Variants in ZAP70 observed in about 807,000 individuals in gnomAD.
The protein encoded by ZAP70 is tyrosine-protein kinase ZAP-70.
A neutral mutation model predicts 65.8 loss-of-function variants in ZAP70; 27 were observed. The ratio of observed to expected loss-of-function variants is 0.41; its 90% CI spans 0.30 to 0.57. The LOEUF is 0.57. Ranked by LOEUF, ZAP70 falls within the 20% of genes least tolerant of loss-of-function variation. The probability of loss-of-function intolerance (pLI) is 0.28; values close to 1 mark genes in which losing one functional copy is unlikely to be tolerated. For missense variants in ZAP70, 696 were observed against 870.5 expected (o/e 0.80, Z 2.52); for synonymous variants, 363 against 360.8 (o/e 1.01, Z -0.07).
At chr2:97,726,329 C>T (rs538972358) in intron 4 of ZAP70, among the ~76,000 whole-genome samples, 1 of 152,332 alleles carries the variant, frequency 6.6e-6, no homozygotes, top group African/African-American at 2.4e-5. Flanking sequence ...TTTTCTGTAA[C>T]AGATGGTATC....
At chr2:97,748,883 G>A in the ZAP70 span, among the ~76,000 whole-genome samples, 8 of 152,136 alleles carry the variant, frequency 5.3e-5, no homozygotes, top group African/African-American at 1.9e-4. Flanking sequence ...TTTCCCTCCC[G>A]TGGGAGGCCA....
intron 2 of ZAP70, among the ~76,000 whole-genome samples, chr2:97,717,084 T>C (rs1676948705): frequency 6.6e-6 from 1 of 152,234 alleles, no homozygotes; most frequent in East Asian, 1.9e-4. Flanking sequence ...CAAGCTGGCG[T>C]GTGCTGACGA....
At chr2:97,720,534 T>C (rs1274053855) in intron 2 of ZAP70, among the ~76,000 whole-genome samples, 1 of 152,222 alleles carries the variant, frequency 6.6e-6, no homozygotes, top group African/African-American at 2.4e-5. Context: ...TGTATCTTAA[T>C]GGAGACGGGG....
At chr2:97,741,284 C>T (rs1314989609), downstream of ZAP70, among the ~76,000 whole-genome samples, 4 of 152,206 alleles carry the variant, frequency 2.6e-5, no homozygotes, top group African/African-American at 7.2e-5. Context: ...GATCTTTTCT[C>T]TTGGCGGCTC....
At chr2:97,733,094 A>G in intron 5 of ZAP70, 31 bp from the exon 6 acceptor site, 1 of 1,613,914 alleles carries the variant, frequency 6.2e-7, no homozygotes, top group Non-Finnish European at 8.5e-7. Context: ...GGAGGAGAGG[A>G]GCCTCTCTGC....
intron 3 of ZAP70, 122 bp downstream of exon 3, chr2:97,724,560 T>A (rs2104663075): frequency 6.5e-7 from 1 of 1,533,302 alleles, no homozygotes; most frequent in East Asian, 2.5e-5. Flanking sequence ...CTTTGGAAGC[T>A]GGAGAGGTGG....
chr2:97,749,001 TC>T, the ZAP70 span, among the ~76,000 whole-genome samples: 7 of 147,318 alleles, frequency 4.8e-5, no homozygotes, highest in East Asian at 2.1e-4. Context: ...ATGTGACACT[TC>T]CCTTTTTTTT....
At position 97,737,715 on chromosome 2, in the gene ZAP70, G is replaced by T. The variant is rs200758703; in HGVS notation, c.1483-42G>T. ...CGACTGGATGGGCTGGGTGGGTAGAGGGTCCCTGACCCCTGATCCAGCAGC... is the reference window on the plus strand; with the variant it reads ...CGACTGGATGGGCTGGGTGGGTAGATGGTCCCTGACCCCTGATCCAGCAGC... On this transcript the variant is annotated intron_variant, in intron 11 of 13. Coordinates refer to ENST00000264972, the MANE Select transcript of ZAP70 (RefSeq NM_001079.4). The surrounding 1 kb of genome is among the most constrained non-coding windows in gnomAD (Gnocchi z 5.0). The T allele has an allele frequency of 2.5e-6, 4 of 1,613,992 alleles. No homozygotes were observed. Among genetic ancestry groups the T allele is most frequent in the Non-Finnish European group, 3.4e-6 (4 of 1,180,008 alleles).
rs1369094426 is a variant in ZAP70 at position 97,738,008 on chromosome 2, C to T, written c.1637C>T (p.Pro546Leu). ...CGGCTTGAGCAGAAGATGAAAGGGC[C>T]GGAGGTCATGGCCTTCATCGAGCAG... is the stretch of plus-strand genomic sequence containing the variant. ...GQKPYKKMKGPEVMAFIEQGK... is the reference protein window; with the variant it reads ...GQKPYKKMKGLEVMAFIEQGK... Residue 546 changes from proline (P) to leucine (L), a missense_variant, in exon 13 of 14, where the codon CCG (proline) becomes CTG (leucine). By Grantham distance (98) the Pro-to-Leu change is moderately conservative (BLOSUM62 -3). Around this residue, in one of 3 missense-constraint regions of ZAP70, gnomAD observed 67 missense variants for 151.9 expected, o/e 0.44. Transcript: ENST00000264972. 3 of 1,613,820 alleles carry T rather than the reference C, an allele frequency of 1.9e-6. No individual in the cohort carries two copies. The highest frequency in any genetic ancestry group is 2.5e-6 in the Non-Finnish European group (3 of 1,179,856).
At chr2:97,732,175 A>G (rs1677638540) in intron 4 of ZAP70, among the ~76,000 whole-genome samples, 1 of 152,144 alleles carries the variant, frequency 6.6e-6, no homozygotes, top group African/African-American at 2.4e-5. Flanking sequence ...GAAGATTTAT[A>G]TATTTATATT....
At chr2:97,735,510 G>C in intron 10 of ZAP70, 54 bp downstream of exon 10, 1 of 1,575,160 alleles carries the variant, frequency 6.3e-7, no homozygotes, top group Non-Finnish European at 8.6e-7. Flanking sequence ...GCCCATCCTG[G>C]GCATGGTGGA....
In ZAP70 at chr2:97,715,114, C is replaced by CA. The variant is rs199670947; in HGVS notation, c.-22+1120_-22+1121insA. On this transcript the variant is annotated intron_variant, in intron 2 of 13. Coordinates refer to ENST00000264972, the MANE Select transcript of ZAP70 (RefSeq NM_001079.4). The surrounding 1 kb of genome is among the most constrained non-coding windows in gnomAD (Gnocchi z 4.1). ...GCTCTGGGTGGCCTCGGGCTCTGGA[C>CA]TCCACAGTTCCTGTATGCTCTCCGG... is the stretch of plus-strand genomic sequence containing the variant. 0.017 allele frequency among the ~76,000 whole-genome samples: 2,554 copies of CA among 152,314 alleles called. 51 individuals are homozygous for CA. The highest frequency in any genetic ancestry group is 0.093 in the East Asian group (481 of 5,176).
the ZAP70 span, among the ~76,000 whole-genome samples, chr2:97,754,973 TA>T: frequency 6.6e-6 from 1 of 152,188 alleles, no homozygotes; most frequent in African/African-American, 2.4e-5. Flanking sequence ...TGAGCTTTGG[TA>T]TAAAGCAGAG....
chr2:97,725,003 G>A (rs2104664695), intron 3 of ZAP70, 89 bp from the exon 4 acceptor site: 3 of 1,584,312 alleles, frequency 1.9e-6, no homozygotes, highest in South Asian at 2.3e-5. Flanking sequence ...GGTGGGGTGG[G>A]GAGTCCTCTG....
At chr2:97,724,643 G>A in intron 3 of ZAP70, 1 of 1,532,252 alleles carries the variant, frequency 6.5e-7, no homozygotes, top group South Asian at 1.2e-5. Context: ...GCCTTCCGCA[G>A]GCTGAGCGAT....
intron 3 of ZAP70, 72 bp downstream of exon 3, chr2:97,724,510 G>T (rs1387210308): frequency 1.3e-6 from 2 of 1,514,330 alleles, no homozygotes; most frequent in Non-Finnish European, 1.8e-6. Context: ...GTTTTGGGGG[G>T]ATAGGAGGGA....
intron 10 of ZAP70, 88 bp downstream of exon 10, chr2:97,735,544 G>A (rs1677839483): frequency 1.4e-6 from 2 of 1,477,646 alleles, no homozygotes; most frequent in Admixed American, 3.8e-5. Flanking sequence ...GCATGCGTGT[G>A]TGGGAAGCCG....
intron 2 of ZAP70, among the ~76,000 whole-genome samples, chr2:97,716,857 C>G (rs1676937655): frequency 6.6e-6 from 1 of 152,136 alleles, no homozygotes; most frequent in African/African-American, 2.4e-5. Flanking sequence ...GCAAGTCTCA[C>G]CCCAGGGAGT....
At chr2:97,749,765 A>C in the ZAP70 span, among the ~76,000 whole-genome samples, 2 of 151,994 alleles carry the variant, frequency 1.3e-5, no homozygotes, top group African/African-American at 2.4e-5. Flanking sequence ...ATGCTGCCGC[A>C]GTTCTGCTGA....
Sources: allele counts gnomAD v4.1 joint callset (sites outside exome capture counted in the v4.1 genomes callset), GRCh38; gene constraint gnomAD v4.1.1; regional missense constraint gnomAD v4.1.1; non-coding constraint Gnocchi (gnomAD v3.1); transcripts MANE v1.5; gene names NCBI Gene and HGNC (gene_info 2026-07-23, HGNC 2026-07-21).